The following ABRAXAS2 variants were observed in gnomAD, a reference collection of about 807,000 sequenced individuals.
ABRAXAS2 encodes the protein BRISC complex subunit Abraxas 2.
In ABRAXAS2, 23 loss-of-function variants were observed where a neutral mutation model predicts 49.0. That is an observed-to-expected ratio of 0.47 (90% CI 0.34 to 0.66). The LOEUF is 0.66. ABRAXAS2 is among the 30% of genes least tolerant of loss of function. The pLI, the probability that ABRAXAS2 is intolerant of heterozygous loss-of-function variation, is 0.01. For synonymous variants in ABRAXAS2, 168 were observed against 180.2 expected, an observed-to-expected ratio of 0.93 and a Z score of 0.54; for missense variants, 443 against 511.9, an observed-to-expected ratio of 0.87 and a Z score of 1.30.
At chr10:124,818,062 G>A (rs539081286) in intron 3 of ABRAXAS2, among the ~76,000 whole-genome samples, 14 of 152,202 alleles carry the variant, frequency 9.2e-5, no homozygotes, top group Admixed American at 3.9e-4. Context: ...TTAAAATACT[G>A]TCAGCAAAGT....
At position 124,834,852 on chromosome 10, in the gene ABRAXAS2, T is replaced by C. The variant is rs749632687; in HGVS notation, c.1129T>C (p.Tyr377His). 7 of 1,614,028 alleles carry C rather than the reference T, an allele frequency of 4.3e-6. No individual in the cohort carries two copies. In the Admixed American group the frequency reaches 1.2e-4, roughly 27 times the overall value. Residue 377 changes from tyrosine (Y) to histidine (H), a missense_variant, in exon 9 of 9, where the codon TAT becomes CAT. This residue lies in a region of ABRAXAS2 where 230 missense variants were observed against 237.0 expected (regional missense o/e 0.97). Coordinates refer to ENST00000298492, the MANE Select transcript of ABRAXAS2 (RefSeq NM_032182.4). ...DSGEDSDDSD[Y>H]ENLIDPTEPS... ...TGGTGAGGATTCAGACGACAGTGAT[T>C]ATGAAAATTTGATTGACCCTACAGA... is the stretch of plus-strand genomic sequence containing the variant.
At chr10:124,833,284 T>G in intron 8 of ABRAXAS2, among the ~76,000 whole-genome samples, 2 of 142,938 alleles carry the variant, frequency 1.4e-5, no homozygotes, top group Non-Finnish European at 1.5e-5. Flanking sequence ...CTGGGCAACA[T>G]GGCAAAACCC....
At chr10:124,821,311 A>T (rs1376356981) in intron 4 of ABRAXAS2, among the ~76,000 whole-genome samples, 5 of 151,426 alleles carry the variant, frequency 3.3e-5, no homozygotes, top group African/African-American at 1.2e-4. Flanking sequence ...TCATGCCTGT[A>T]ATCCCAGCAC....
At chr10:124,825,870 G>A (rs1341256799) in intron 4 of ABRAXAS2, among the ~76,000 whole-genome samples, 2 of 152,088 alleles carry the variant, frequency 1.3e-5, no homozygotes, top group African/African-American at 4.8e-5. Flanking sequence ...TGCAGATTTG[G>A]GTGGGGTCCA....
chr10:124,819,982 A>G (rs1317301536), intron 4 of ABRAXAS2, among the ~76,000 whole-genome samples: 2 of 152,168 alleles, frequency 1.3e-5, no homozygotes, highest in Non-Finnish European at 2.9e-5. Flanking sequence ...GTGTTATACT[A>G]TGTATGGGTT....
chr10:124,810,336 G>A (rs1950778846), intron 2 of ABRAXAS2, among the ~76,000 whole-genome samples: 1 of 152,142 alleles, frequency 6.6e-6, no homozygotes, highest in African/African-American at 2.4e-5. Flanking sequence ...GACCAGCCTG[G>A]GCAAGGTGGC....
chr10:124,833,318 A>AG (rs1206970665), intron 8 of ABRAXAS2, among the ~76,000 whole-genome samples: 2 of 149,420 alleles, frequency 1.3e-5, no homozygotes, highest in Non-Finnish European at 3.0e-5. Context: ...AAAAAAAAAA[A>AG]GCCAGGCATG....
intron 2 of ABRAXAS2, among the ~76,000 whole-genome samples, chr10:124,810,046 C>T (rs1211329260): frequency 6.6e-6 from 1 of 152,198 alleles, no homozygotes; most frequent in Non-Finnish European, 1.5e-5. Flanking sequence ...AGTCACCACG[C>T]CCAGCCATTA....
At chr10:124,824,086 G>T (rs1950880951) in intron 4 of ABRAXAS2, among the ~76,000 whole-genome samples, 2 of 151,918 alleles carry the variant, frequency 1.3e-5, no homozygotes, top group African/African-American at 4.8e-5. Context: ...ATTTTTTGTA[G>T]AGATGGGGTC....
chr10:124,836,416 C>T lies in ABRAXAS2; in HGVS notation c.*1445C>T, dbSNP rs1005300280. The T allele has an allele frequency of 6.8e-6, 1 of 146,146 alleles. No homozygotes were observed. Among genetic ancestry groups the T allele is most frequent in the Non-Finnish European group, 1.5e-5 (1 of 66,358 alleles). 9.1% of individuals were successfully genotyped at this position (146,146 alleles called of 1,614,324 possible). A position where few individuals can be genotyped will look rare whatever the true frequency, so the allele number is the denominator to read the frequency against. On this transcript the variant is annotated 3_prime_UTR_variant, in exon 9 of 9. Transcript: ENST00000298492. ...TAACTACTCTCCTGGTTATGTTGGC[C>T]TTACACCACTGCCATTTGATTTAAA...
intron 2 of ABRAXAS2, 72 bp from the exon 3 acceptor site, chr10:124,816,504 G>T: frequency 7.4e-6 from 7 of 943,382 alleles, no homozygotes; most frequent in Non-Finnish European, 6.5e-6. Context: ...AAAAAAAAAA[G>T]TCCTGAGCTA....
intron 4 of ABRAXAS2, among the ~76,000 whole-genome samples, chr10:124,819,663 ACTAAGGAGG>A (rs1950848946): frequency 6.6e-6 from 1 of 152,066 alleles, no homozygotes; most frequent in South Asian, 2.1e-4. Flanking sequence ...AATACCAGCT[ACTAAGGAGG>A]CTGAGGAATG....
chr10:124,821,323 T>A (rs949203217), intron 4 of ABRAXAS2, among the ~76,000 whole-genome samples: 1 of 151,910 alleles, frequency 6.6e-6, no homozygotes, highest in Non-Finnish European at 1.5e-5. Context: ...TCCCAGCACT[T>A]GGGGAGGCGG....
chr10:124,819,306 C>G (rs1158660716), intron 3 of ABRAXAS2, 78 bp from the exon 4 acceptor site: 5 of 1,141,960 alleles, frequency 4.4e-6, no homozygotes, highest in Non-Finnish European at 6.6e-6. Flanking sequence ...ATTAGGGTTA[C>G]CACAGGCATA....
intron 1 of ABRAXAS2, among the ~76,000 whole-genome samples, chr10:124,806,474 A>T (rs77425901): frequency 0.026 from 3,913 of 152,292 alleles, 151 homozygotes; most frequent in African/African-American, 0.087. Flanking sequence ...CAACAACAAA[A>T]TAAATTGTAT....
At chr10:124,808,959 C>T (rs558878341) in intron 2 of ABRAXAS2, among the ~76,000 whole-genome samples, 93 of 152,056 alleles carry the variant, frequency 6.1e-4, no homozygotes, top group East Asian at 2.3e-3. Flanking sequence ...GAAGAAACCC[C>T]GTCTCTACTA....
intron 1 of ABRAXAS2, among the ~76,000 whole-genome samples, chr10:124,805,651 G>A (rs1373787643): frequency 6.6e-6 from 1 of 152,166 alleles, no homozygotes; most frequent in Non-Finnish European, 1.5e-5. Flanking sequence ...TAATATGATG[G>A]ATAGTGAGAA....
At chr10:124,829,969 A>G (rs945031425) in intron 7 of ABRAXAS2, among the ~76,000 whole-genome samples, 3 of 152,210 alleles carry the variant, frequency 2.0e-5, no homozygotes, top group Non-Finnish European at 2.9e-5. Flanking sequence ...TGTGAGCCAA[A>G]TACTGAGCTT....
At chr10:124,825,793 G>A (rs1375185431) in intron 4 of ABRAXAS2, among the ~76,000 whole-genome samples, 2 of 152,168 alleles carry the variant, frequency 1.3e-5, no homozygotes, top group Non-Finnish European at 2.9e-5. Context: ...ATTTCAGTAT[G>A]CAAAAGAAAA....
Sources: allele counts gnomAD v4.1 joint callset (sites outside exome capture counted in the v4.1 genomes callset), GRCh38; gene constraint gnomAD v4.1.1; regional missense constraint gnomAD v4.1.1; transcripts MANE v1.5; gene names NCBI Gene and HGNC (gene_info 2026-07-23, HGNC 2026-07-21).